The following AGMO variants were observed in gnomAD, a reference collection of about 807,000 sequenced individuals.
AGMO encodes the protein alkylglycerol monooxygenase, also known as glyceryl-ether monooxygenase.
In AGMO, 75 loss-of-function variants were observed where a neutral mutation model predicts 60.2. That is an observed-to-expected ratio of 1.25 (90% CI 1.03 to 1.51). The LOEUF is 1.51. Ranked by LOEUF, AGMO falls within the 40% of genes most tolerant of loss-of-function variation. The pLI, the probability that AGMO is intolerant of heterozygous loss-of-function variation, is 0.00. For synonymous variants in AGMO, 261 were observed against 177.1 expected, an observed-to-expected ratio of 1.47 and a Z score of -3.76; for missense variants, 763 against 525.5, an observed-to-expected ratio of 1.45 and a Z score of -4.42.
chr7:15,432,337 T>TATATATACATAC (rs1272080464), intron 3 of AGMO, among the ~76,000 whole-genome samples: 23 of 138,344 alleles, frequency 1.7e-4, no homozygotes, highest in South Asian at 9.1e-4. Flanking sequence ...TGTATATATA[T>TATATATACATAC]ATATATATAC....
Position 15,459,599 on chromosome 7 carries a change from T to TGTGTGTG in AGMO, c.410-28492_410-28491insCACACAC, listed in dbSNP as rs1554274867. ...GATCTTTAAATGTGTGTATGTGCGT[T>TGTGTGTG]TGTGTGTGTGTGTGTGTGTGTGTGT... On this transcript the variant is annotated intron_variant, in intron 3 of 12. Coordinates refer to ENST00000342526, the MANE Select transcript of AGMO (RefSeq NM_001004320.2). Among the ~76,000 whole-genome samples the TGTGTGTG allele has an allele frequency of 2.1e-3, 297 of 142,226 alleles. 2 individuals are homozygous for TGTGTGTG. Among genetic ancestry groups the TGTGTGTG allele is most frequent in the African/African-American group, 3.7e-3 (142 of 38,070 alleles). 93.3% of individuals were successfully genotyped at this position (142,226 alleles called of 152,430 possible). A position where few individuals can be genotyped will look rare whatever the true frequency, so the allele number is the denominator to read the frequency against.
chr7:15,445,859 T>C (rs1412632751), intron 3 of AGMO, among the ~76,000 whole-genome samples: 1 of 152,174 alleles, frequency 6.6e-6, no homozygotes, highest in Admixed American at 6.5e-5. Flanking sequence ...ACCTCTTCCC[T>C]GCCTCTCTTC....
chr7:15,365,382 A>G, intron 12 of AGMO, 132 bp downstream of exon 12: 2 of 186,272 alleles, frequency 1.1e-5, no homozygotes, highest in Non-Finnish European at 2.0e-5. Flanking sequence ...CTGGTAAGTA[A>G]AAAAAAAAAA....
intron 12 of AGMO, among the ~76,000 whole-genome samples, chr7:15,304,265 A>C (rs1298077615): frequency 5.9e-5 from 9 of 152,086 alleles, no homozygotes; most frequent in Non-Finnish European, 1.0e-4. Flanking sequence ...AGTCTCTTTC[A>C]TCCCTTTCTC....
chr7:15,155,410 A>C, the AGMO span, among the ~76,000 whole-genome samples: 1 of 134,858 alleles, frequency 7.4e-6, no homozygotes, highest in Non-Finnish European at 1.6e-5. Context: ...CAATTGCATT[A>C]CAGAATTTCT....
chr7:15,329,016 G>T (rs1781425234), intron 12 of AGMO, among the ~76,000 whole-genome samples: 1 of 152,108 alleles, frequency 6.6e-6, no homozygotes, highest in African/African-American at 2.4e-5. Flanking sequence ...TTTGCCAAGA[G>T]TTCATAGAAA....
At chr7:15,311,152 A>C (rs764218773) in intron 12 of AGMO, among the ~76,000 whole-genome samples, 1 of 152,134 alleles carries the variant, frequency 6.6e-6, no homozygotes, top group South Asian at 2.1e-4. Flanking sequence ...CAACTCTGCT[A>C]CTAAAAACAA....
At chr7:15,334,711 T>G (rs1180989139) in intron 12 of AGMO, among the ~76,000 whole-genome samples, 2 of 152,202 alleles carry the variant, frequency 1.3e-5, no homozygotes, top group Non-Finnish European at 2.9e-5. Flanking sequence ...ATTGCTAAGT[T>G]ACATGCAATG....
intron 12 of AGMO, among the ~76,000 whole-genome samples, chr7:15,240,691 C>A (rs1474643447): frequency 6.6e-6 from 1 of 152,028 alleles, no homozygotes; most frequent in African/African-American, 2.4e-5. Flanking sequence ...ACAGATACTG[C>A]CTGTTTAAAA....
At chr7:15,332,165 A>T (rs977667186) in intron 12 of AGMO, among the ~76,000 whole-genome samples, 8 of 152,084 alleles carry the variant, frequency 5.3e-5, no homozygotes, top group African/African-American at 1.9e-4. Flanking sequence ...ATAAACTTAC[A>T]ATCGTGTTAA....
intron 12 of AGMO, among the ~76,000 whole-genome samples, chr7:15,219,709 A>G (rs1299234488): frequency 6.6e-6 from 1 of 152,136 alleles, no homozygotes; most frequent in African/African-American, 2.4e-5. Flanking sequence ...GAGTCCTGTT[A>G]GGACACCATC....
the AGMO span, among the ~76,000 whole-genome samples, chr7:15,188,688 G>A: frequency 1.2e-4 from 18 of 152,082 alleles, no homozygotes; most frequent in Non-Finnish European, 2.1e-4. Flanking sequence ...CGAGAAAATT[G>A]CATCCCAAAA....
chr7:15,252,741 A>T (rs1782976053), intron 12 of AGMO, among the ~76,000 whole-genome samples: 1 of 152,208 alleles, frequency 6.6e-6, no homozygotes, highest in African/African-American at 2.4e-5. Context: ...AATGCCTGTT[A>T]GATTTCCAGC....
the AGMO span, among the ~76,000 whole-genome samples, chr7:15,148,898 G>A: frequency 1.3e-5 from 2 of 152,160 alleles, 1 homozygote; most frequent in South Asian, 4.1e-4. Context: ...CCGAACTGCT[G>A]TCCACGGTGG....
the AGMO span, among the ~76,000 whole-genome samples, chr7:15,185,710 C>T: frequency 1.3e-5 from 2 of 152,136 alleles, no homozygotes; most frequent in African/African-American, 4.8e-5. Context: ...AGTCCAAAAC[C>T]CTGGCTGAGG....
At chr7:15,383,481 T>G (rs559476284) in intron 10 of AGMO, among the ~76,000 whole-genome samples, 4 of 144,656 alleles carry the variant, frequency 2.8e-5, no homozygotes, top group African/African-American at 1.1e-4. Flanking sequence ...CAGGACCTAT[T>G]TCAAGAAACC....
chr7:15,149,842 C>T, the AGMO span, among the ~76,000 whole-genome samples: 1 of 151,830 alleles, frequency 6.6e-6, no homozygotes, highest in African/African-American at 2.4e-5. Flanking sequence ...TTCCTTAATT[C>T]TGTGAAAAAA....
At chr7:15,426,293 G>A (rs1006908951) in intron 4 of AGMO, among the ~76,000 whole-genome samples, 4 of 151,988 alleles carry the variant, frequency 2.6e-5, no homozygotes, top group Non-Finnish European at 5.9e-5. Context: ...CACTAATTCT[G>A]TAGTAGACAC....
At chr7:15,391,178 G>A (rs570738931) in intron 6 of AGMO, among the ~76,000 whole-genome samples, 134 of 151,864 alleles carry the variant, frequency 8.8e-4, no homozygotes, top group African/African-American at 3.1e-3. Flanking sequence ...TGGAATAAAT[G>A]TAAATAATTT....
Sources: allele counts gnomAD v4.1 joint callset (sites outside exome capture counted in the v4.1 genomes callset), GRCh38; gene constraint gnomAD v4.1.1; transcripts MANE v1.5; gene names NCBI Gene and HGNC (gene_info 2026-07-23, HGNC 2026-07-21).